Variants in HDLBP observed in about 807,000 individuals in gnomAD.
The protein encoded by HDLBP is high density lipoprotein binding protein.
Under a neutral mutation model 137.3 loss-of-function variants are expected in HDLBP, and 30 were observed. The observed-to-expected ratio is 0.22, with a 90% confidence interval of 0.16 to 0.30. The LOEUF (loss-of-function observed/expected upper bound fraction) is 0.30, where lower values mean the gene tolerates loss of function less well. Among genes scored for constraint, HDLBP ranks in the 10% least tolerant of loss-of-function variants. HDLBP has a pLI of 1.00. For synonymous variants in HDLBP, 606 were observed against 596.0 expected (o/e 1.02, Z -0.24); for missense variants, 1,119 against 1,667.3 (o/e 0.67, Z 5.73).
At chr2:241,236,374 C>T in intron 21 of HDLBP, 1 of 550,140 alleles carries the variant, frequency 1.8e-6, no homozygotes, top group Non-Finnish European at 3.2e-6. Context: ...GAGGCCGGAT[C>T]CCATGCAGCT....
intron 1 of HDLBP, among the ~76,000 whole-genome samples, chr2:241,285,227 T>C (rs2074758179): frequency 6.6e-6 from 1 of 152,260 alleles, no homozygotes; most frequent in South Asian, 2.1e-4. Context: ...TTTCTAAACA[T>C]GTTACAGCTT....
chr2:241,290,307 T>C (rs1039728860), intron 1 of HDLBP, among the ~76,000 whole-genome samples: 10 of 152,150 alleles, frequency 6.6e-5, no homozygotes, highest in African/African-American at 2.4e-4. Flanking sequence ...AGCTCTGTTT[T>C]AGAACCATAA....
In HDLBP at chr2:241,256,271, G is replaced by A. The variant is rs754361840; in HGVS notation, c.786C>T (p.Ser262=). 1.9e-4 allele frequency: 307 copies of A among 1,614,132 alleles called. No homozygotes were observed. Among genetic ancestry groups the A allele is most frequent in the South Asian group, 3.4e-4 (31 of 91,082 alleles). The change falls in exon 7 of 28, where the codon AGC becomes AGT. Residue 262 remains serine, a synonymous_variant. Transcript: ENST00000310931. ...TGTRINIPPP[S]VNRTEIVFTG... ...TGAAGACAATCTCTGTCCGGTTCAC[G>A]CTGGGTGGGGGGATGTTGATGCGCG...
chr2:241,305,475 G>A (rs1198132226), intron 1 of HDLBP, among the ~76,000 whole-genome samples: 1 of 152,112 alleles, frequency 6.6e-6, no homozygotes, highest in Non-Finnish European at 1.5e-5. Context: ...CTATACCCTA[G>A]AGCCCTTTCA....
At chr2:241,247,319 G>A (rs914181730) in intron 14 of HDLBP, 177 bp from the exon 15 acceptor site, 2 of 606,866 alleles carry the variant, frequency 3.3e-6, no homozygotes, top group South Asian at 3.9e-5. Context: ...ACTAACTTAC[G>A]TTGCAAATTA....
chr2:241,290,504 G>C (rs1575030239), intron 1 of HDLBP, among the ~76,000 whole-genome samples: 1 of 152,140 alleles, frequency 6.6e-6, no homozygotes. Context: ...CAGCTACTCG[G>C]GAGGCTGAGG....
Position 241,229,684 on chromosome 2 carries a change from G to C in HDLBP, c.3724C>G (p.Pro1242Ala). 1.2e-6 allele frequency: 2 copies of C among 1,614,126 alleles called. No individual in the cohort carries two copies. Among genetic ancestry groups the C allele is most frequent in the Non-Finnish European group, 1.7e-6 (2 of 1,180,012 alleles). Reference sequence around the variant, plus strand: ...AATTCCTCAGAGCTGCTCATGTCAGGAGCCTGTGCAGAGAGAGGACACGGC... The same window carrying C: ...AATTCCTCAGAGCTGCTCATGTCAGCAGCCTGTGCAGAGAGAGGACACGGC... ...PWTASSSEKA[P>A]DMSSSEEFPS... The change falls in exon 28 of 28, where the codon CCT becomes GCT. Residue 1242 changes from proline (P) to alanine (A), a missense_variant. Around this residue, in one of 4 missense-constraint regions of HDLBP, gnomAD observed 618 missense variants for 816.7 expected, o/e 0.76. Coordinates refer to ENST00000310931, the MANE Select transcript of HDLBP (RefSeq NM_005336.6).
chr2:241,311,708 C>A (rs998207748), intron 1 of HDLBP, among the ~76,000 whole-genome samples: 1 of 152,162 alleles, frequency 6.6e-6, no homozygotes, highest in African/African-American at 2.4e-5. Context: ...CTTGTAATAA[C>A]CCAGGAAAAC....
chr2:241,234,086 G>A (rs962335173), intron 23 of HDLBP, 123 bp from the exon 24 acceptor site: 23 of 1,118,904 alleles, frequency 2.1e-5, no homozygotes, highest in Non-Finnish European at 2.6e-6. Flanking sequence ...CCGTGGTCCG[G>A]AATGGTCCGC....
At chr2:241,248,158 G>A (rs753154451) in intron 13 of HDLBP, 42 bp from the exon 14 acceptor site, 18 of 1,557,614 alleles carry the variant, frequency 1.2e-5, no homozygotes, top group South Asian at 7.8e-5. Context: ...GTATGAGGAA[G>A]GACATATATC....
In HDLBP at chr2:241,273,397, T is replaced by C. The variant is rs995442964; in HGVS notation, c.-102-4856A>G. On this transcript the variant is annotated intron_variant, in intron 1 of 27. Transcript: ENST00000310931. The stretch of plus-strand genomic sequence containing the variant: ...CCCTTCCTTTAAAGCGTGTATTACT[T>C]ATGGCTCCATCTCTACATAGATGTA... 2.0e-5 allele frequency among the ~76,000 whole-genome samples: 3 copies of C among 152,124 alleles called. No individual in the cohort carries two copies. The South Asian group carries it at 6.2e-4, about 32-fold the overall frequency.
At chr2:241,264,778 G>A (rs997430496) in intron 3 of HDLBP, among the ~76,000 whole-genome samples, 173 bp from the exon 4 acceptor site, 19 of 152,046 alleles carry the variant, frequency 1.2e-4, no homozygotes, top group Admixed American at 3.3e-4. Context: ...GCCCCAGGAG[G>A]TCACCAGGCC....
Position 241,239,328 on chromosome 2 carries a change from C to G in HDLBP, c.2610+274G>C, listed in dbSNP as rs889381128. Among the ~76,000 whole-genome samples, 24 of 152,014 alleles carry G rather than the reference C, an allele frequency of 1.6e-4. No individual in the cohort carries two copies. The highest frequency in any genetic ancestry group is 6.6e-5 in the Admixed American group (1 of 15,256). The stretch of plus-strand genomic sequence containing the variant: ...GAATGCATTTTCTTTCTTTCTCTTG[C>G]TTTCTTTCCTCTCTCTCTCTCCCCT... On this transcript the variant is annotated intron_variant, in intron 19 of 27. Transcript: ENST00000310931. This position sits in a 1 kb window ranked among gnomAD's most constrained non-coding sequence, Gnocchi z 4.6.
At chr2:241,291,614 T>C (rs553061085) in intron 1 of HDLBP, among the ~76,000 whole-genome samples, 12 of 152,280 alleles carry the variant, frequency 7.9e-5, no homozygotes, top group African/African-American at 2.2e-4. Flanking sequence ...ACCTCCAAAA[T>C]TGATACAGGA....
intron 1 of HDLBP, among the ~76,000 whole-genome samples, chr2:241,306,580 G>A (rs1333032442): frequency 1.3e-5 from 2 of 151,990 alleles, no homozygotes; most frequent in African/African-American, 4.8e-5. Flanking sequence ...ATTTTTAAAA[G>A]AAAGGAGCTG....
intron 1 of HDLBP, among the ~76,000 whole-genome samples, chr2:241,302,413 C>A (rs996824475): frequency 6.6e-6 from 1 of 152,010 alleles, no homozygotes; most frequent in African/African-American, 2.4e-5. Flanking sequence ...TAAAAATTAG[C>A]CAGGCACCCT....
chr2:241,262,972 A>T (rs1559519476), intron 4 of HDLBP, 46 bp from the exon 5 acceptor site: 9 of 1,436,274 alleles, frequency 6.3e-6, no homozygotes, highest in Non-Finnish European at 8.8e-6. Flanking sequence ...GATTAAAAGA[A>T]GGCCAACAGA....
At chr2:241,296,221 C>T (rs1290232808) in intron 1 of HDLBP, among the ~76,000 whole-genome samples, 1 of 152,016 alleles carries the variant, frequency 6.6e-6, no homozygotes, top group East Asian at 1.9e-4. Flanking sequence ...GAAACAGACT[C>T]ACGTGTACCT....
In HDLBP at chr2:241,255,076, G is replaced by A; in HGVS notation, c.1163C>T (p.Ala388Val). The A allele has an allele frequency of 6.2e-7, 1 of 1,613,906 alleles. No homozygotes were observed. The highest frequency in any genetic ancestry group is 8.5e-7 in the Non-Finnish European group (1 of 1,179,796). Residue 388 changes from alanine to valine, a missense_variant, in exon 9 of 28, where the codon GCC (alanine) becomes GTC (valine). By Grantham distance (64) the Ala-to-Val change is moderately conservative. This residue lies in a region of HDLBP where 425 missense variants were observed against 693.9 expected (regional missense o/e 0.61). Transcript: ENST00000310931. ...FIIGKKGQNL[A>V]KITQQMPKVH... is the part of the protein sequence containing the mutation. The stretch of plus-strand genomic sequence containing the variant: ...CTTTGGCATCTGCTGAGTGATTTTG[G>A]CCAGGTTCTGCCCTTTCTTGCCAAT...
Sources: gnomAD v4.1 joint callset for allele counts (sites outside exome capture counted in the v4.1 genomes callset) on GRCh38, gnomAD v4.1.1 for gene constraint, gnomAD v4.1.1 regional missense constraint, Gnocchi (gnomAD v3.1) non-coding constraint, MANE v1.5 for transcripts, NCBI Gene and HGNC (gene_info 2026-07-23, HGNC 2026-07-21) for gene names.